The following CFAP206 variants were observed in gnomAD, a reference collection of about 807,000 sequenced individuals.
The protein encoded by CFAP206 is cilia and flagella associated protein 206, also known as cilia- and flagella-associated protein 206.
A neutral mutation model predicts 65.4 loss-of-function variants in CFAP206; 53 were observed. The ratio of observed to expected loss-of-function variants is 0.81; its 90% confidence interval spans 0.65 to 1.02. CFAP206 has a LOEUF of 1.02. Among genes scored for constraint, CFAP206 ranks in the 50% least tolerant of loss-of-function variants. The pLI, the probability that CFAP206 is intolerant of heterozygous loss-of-function variation, is 0.00. For synonymous variants in CFAP206, 250 were observed against 254.4 expected (o/e 0.98, Z 0.17); for missense variants, 663 against 753.2 (o/e 0.88, Z 1.40).
chr6:87,451,033 A>T (rs1335429251), intron 11 of CFAP206, among the ~76,000 whole-genome samples: 2 of 152,182 alleles, frequency 1.3e-5, no homozygotes, highest in African/African-American at 4.8e-5. Flanking sequence ...TGTCCATCTC[A>T]GCAGTTGGAA....
Position 87,435,052 on chromosome 6 carries a change from A to C in CFAP206, c.1493A>C (p.Gln498Pro). Residue 498 changes from glutamine (Q) to proline (P), a missense_variant and splice_region_variant, in exon 11 of 13, where the codon CAG becomes CCG. Physicochemically the swap from Gln to Pro is moderately conservative, Grantham distance 76 (BLOSUM62 -1). Transcript: ENST00000369562. ...TTTGAAACATTTATTCCATATTCTCAGGTAAGCAGGGTCAATATTTTATGA... is the reference window on the plus strand; with the variant it reads ...TTTGAAACATTTATTCCATATTCTCCGGTAAGCAGGGTCAATATTTTATGA... Reference protein sequence around the residue: ...QQFETFIPYSQMRDADKHYIK... With the variant: ...QQFETFIPYSPMRDADKHYIK... 1 of 1,559,292 alleles carries C rather than the reference A, an allele frequency of 6.4e-7. No homozygotes were observed. The highest frequency in any genetic ancestry group is 1.2e-5 in the South Asian group (1 of 84,384).
At chr6:87,431,311 T>C in intron 10 of CFAP206, 138 bp downstream of exon 10, 2 of 850,606 alleles carry the variant, frequency 2.4e-6, no homozygotes, top group South Asian at 3.8e-5. Context: ...ACAAAGATGA[T>C]CCAGACAAAG....
rs1174485920 is a variant in CFAP206 at position 87,409,872 on chromosome 6, G to T, written c.33G>T (p.Arg11Ser). The T allele has an allele frequency of 6.2e-7, 1 of 1,613,194 alleles. No homozygotes were observed. The highest frequency in any genetic ancestry group is 2.2e-5 in the East Asian group (1 of 44,750). ...CAACTCAGGCCGAAAGTGTTATAAGGAGTATTATACGAGAAATAGGACAAG... is the reference window on the plus strand; with the variant it reads ...CAACTCAGGCCGAAAGTGTTATAAGTAGTATTATACGAGAAATAGGACAAG... Reference protein sequence around the residue: MPPTQAESVIRSIIREIGQEC... With the variant: MPPTQAESVISSIIREIGQEC... Residue 11 changes from arginine to serine, a missense_variant, in exon 2 of 13, where the codon AGG becomes AGT. Arg to Ser is a moderately radical substitution (Grantham distance 110). Coordinates refer to ENST00000369562, the MANE Select transcript of CFAP206 (RefSeq NM_001031743.3).
In CFAP206 at chr6:87,432,243, A is replaced by G. The variant is rs1275734671; in HGVS notation, c.1300+1070A>G. ...TATTGGGATTGTGGGTATACAGGCT[A>G]GAGAGAACACACAATTGGCTCATTT... On this transcript the variant is annotated intron_variant, in intron 10 of 12. Coordinates refer to ENST00000369562, the MANE Select transcript of CFAP206 (RefSeq NM_001031743.3). Among the ~76,000 whole-genome samples, 5 of 152,208 alleles carry G rather than the reference A, an allele frequency of 3.3e-5. No homozygotes were observed. In the South Asian group the frequency reaches 6.2e-4, roughly 19 times the overall value.
chr6:87,415,246 C>T lies in CFAP206; in HGVS notation c.284-440C>T, dbSNP rs972323353. 1.8e-4 allele frequency among the ~76,000 whole-genome samples: 28 copies of T among 151,702 alleles called. 1 individual carries two copies. Among genetic ancestry groups the T allele is most frequent in the Admixed American group, 5.9e-4 (9 of 15,236 alleles). On this transcript the variant is annotated intron_variant, in intron 4 of 12. Transcript: ENST00000369562. ...GAACATATATACTACATATATATTT[C>T]TGCTACTATATATGCTTATGTATAG...
chr6:87,441,187 C>G (rs562976881), intron 11 of CFAP206: 1 of 301,652 alleles, frequency 3.3e-6, no homozygotes, highest in African/African-American at 2.2e-5. Context: ...TTGGCTGCTT[C>G]TTAGCAAAAC....
chr6:87,415,864 A>G lies in CFAP206; in HGVS notation c.462A>G (p.Arg154=). 1 of 1,557,310 alleles carries G rather than the reference A, an allele frequency of 6.4e-7. No homozygotes were observed. Among genetic ancestry groups the G allele is most frequent in the Non-Finnish European group, 8.7e-7 (1 of 1,152,684 alleles). The part of the protein sequence containing the change: ...LGSPTDIKTV[R]EVTAALQSVF... ...CCCCTACAGACATCAAGACTGTCAG[A>G]GAGGTAACAGGTAAAAAGTATAACC... Residue 154 remains arginine, a synonymous_variant, in exon 5 of 13, where the codon AGA becomes AGG. Coordinates refer to ENST00000369562, the MANE Select transcript of CFAP206 (RefSeq NM_001031743.3).
At chr6:87,434,583 C>T (rs1470133860) in intron 10 of CFAP206, among the ~76,000 whole-genome samples, 6 of 151,664 alleles carry the variant, frequency 4.0e-5, no homozygotes, top group African/African-American at 7.3e-5. Flanking sequence ...CTGCAACCTC[C>T]GCCTCCCAGG....
At chr6:87,457,248 G>T (rs1166555702) in intron 11 of CFAP206, among the ~76,000 whole-genome samples, 1 of 151,408 alleles carries the variant, frequency 6.6e-6, no homozygotes, top group Non-Finnish European at 1.5e-5. Context: ...TACTACTCAA[G>T]CATCTACAGA....
intron 8 of CFAP206, 126 bp from the exon 9 acceptor site, chr6:87,428,500 C>T (rs74507171): frequency 0.03 from 23,922 of 799,844 alleles, 488 homozygotes; most frequent in Non-Finnish European, 0.04. Context: ...TGTCTAAGTT[C>T]GTAAGACTTT....
Position 87,428,614 on chromosome 6 carries a change from T to C in CFAP206, c.961-12T>C. ...ACAGTTGCATTTTGAATATTTTTTT[T>C]CTCTTCCTCAGCCTATCTTCATTGC... is the stretch of plus-strand genomic sequence containing the variant. On this transcript the variant is annotated splice_polypyrimidine_tract_variant and intron_variant, in intron 8 of 12. Transcript: ENST00000369562. 1 of 1,612,076 alleles carries C rather than the reference T, an allele frequency of 6.2e-7. No homozygotes were observed. The highest frequency in any genetic ancestry group is 1.1e-5 in the South Asian group (1 of 91,046).
chr6:87,448,694 C>A (rs1465843851), intron 11 of CFAP206, among the ~76,000 whole-genome samples: 2 of 152,120 alleles, frequency 1.3e-5, no homozygotes, highest in Non-Finnish European at 2.9e-5. Flanking sequence ...ATTCTACTCC[C>A]TACTTATATG....
At chr6:87,413,326 A>G (rs2127947248) in intron 3 of CFAP206, among the ~76,000 whole-genome samples, 1 of 152,340 alleles carries the variant, frequency 6.6e-6, no homozygotes, top group African/African-American at 2.4e-5. Flanking sequence ...GTCTTGTGGC[A>G]ACATGGATGG....
intron 11 of CFAP206, among the ~76,000 whole-genome samples, chr6:87,452,371 A>G (rs1323424914): frequency 6.6e-6 from 1 of 152,100 alleles, no homozygotes; most frequent in Non-Finnish European, 1.5e-5. Context: ...GTACAAACAA[A>G]CCCAGATTGC....
chr6:87,422,433 A>G lies in CFAP206; in HGVS notation c.840+4017A>G, dbSNP rs1184727965. ...CCATTGCACTCCAGCTTGGACAACG[A>G]GAGCGAAACTCCATCTCGAAAAAAA... On this transcript the variant is annotated intron_variant, in intron 7 of 12. Transcript: ENST00000369562. 2.3e-4 allele frequency among the ~76,000 whole-genome samples: 30 copies of G among 128,326 alleles called. No individual in the cohort carries two copies. The Admixed American group carries it at 2.6e-3, about 11-fold the overall frequency. 84.2% of individuals were successfully genotyped at this position (128,326 alleles called of 152,430 possible).
At chr6:87,459,395 A>G (rs1378520436) in intron 11 of CFAP206, among the ~76,000 whole-genome samples, 1 of 152,146 alleles carries the variant, frequency 6.6e-6, no homozygotes, top group Non-Finnish European at 1.5e-5. Context: ...TACTGGTTTT[A>G]AAATACTTGT....
At chr6:87,438,460 C>CCAAAAA (rs1768310532) in intron 11 of CFAP206, among the ~76,000 whole-genome samples, 4 of 110,990 alleles carry the variant, frequency 3.6e-5, no homozygotes, top group South Asian at 3.0e-4. Flanking sequence ...ACTCTTGTCT[C>CCAAAAA]AAAAAAAAAA....
intron 10 of CFAP206, among the ~76,000 whole-genome samples, chr6:87,432,573 A>G (rs1703402615): frequency 6.6e-6 from 1 of 152,178 alleles, no homozygotes. Context: ...ATGGTTGGAA[A>G]AGCTATGGGC....
chr6:87,415,071 CAT>C (rs1767802827), intron 4 of CFAP206, among the ~76,000 whole-genome samples: 2 of 152,046 alleles, frequency 1.3e-5, no homozygotes, highest in African/African-American at 4.8e-5. Flanking sequence ...ACTCAGGGAA[CAT>C]AGTGTCCTGC....
Sources: allele counts gnomAD v4.1 joint callset (sites outside exome capture counted in the v4.1 genomes callset), GRCh38; gene constraint gnomAD v4.1.1; transcripts MANE v1.5; gene names NCBI Gene and HGNC (gene_info 2026-07-23, HGNC 2026-07-21).